The following GSE1 variants were observed in gnomAD, a reference collection of about 807,000 sequenced individuals.
GSE1 encodes the protein Gse1 coiled-coil protein.
Under a neutral mutation model 112.6 loss-of-function variants are expected in GSE1, and 32 were observed. The ratio of observed to expected loss-of-function variants is 0.28; its 90% CI spans 0.21 to 0.38. The LOEUF (loss-of-function observed/expected upper bound fraction) is 0.38, where lower values mean the gene tolerates loss of function less well. Ranked by LOEUF, GSE1 falls within the 10% of genes least tolerant of loss-of-function variation. GSE1 has a pLI of 1.00. For missense variants in GSE1, 2,348 were observed against 1,699.2 expected (o/e 1.38, Z -6.71); for synonymous variants, 1,115 against 735.6 (o/e 1.52, Z -8.35).
intron 2 of GSE1, among the ~76,000 whole-genome samples, chr16:85,523,270 G>C (rs938187916): frequency 6.8e-6 from 1 of 147,644 alleles, no homozygotes; most frequent in Non-Finnish European, 1.5e-5. Flanking sequence ...TGCCCTGTGT[G>C]TGTGAGACCT....
chr16:85,422,304 C>A (rs2048863486), intron 2 of GSE1, among the ~76,000 whole-genome samples: 1 of 152,206 alleles, frequency 6.6e-6, no homozygotes, highest in African/African-American at 2.4e-5. Flanking sequence ...AGGATCCTCC[C>A]CGCACAGGCG....
At chr16:85,615,930 G>C (rs2048342067) in intron 1 of GSE1, among the ~76,000 whole-genome samples, 1 of 152,216 alleles carries the variant, frequency 6.6e-6, no homozygotes, top group South Asian at 2.1e-4. Context: ...CCAGGCGTGG[G>C]GCGGACACCG....
intron 1 of GSE1, among the ~76,000 whole-genome samples, chr16:85,248,595 A>G (rs577768775): frequency 2.6e-5 from 4 of 152,278 alleles, no homozygotes; most frequent in African/African-American, 9.6e-5. Context: ...TGGAAGGCAG[A>G]GTCCTGGGGG....
intron 1 of GSE1, among the ~76,000 whole-genome samples, chr16:85,246,212 CA>C (rs1365732506): frequency 7.0e-6 from 1 of 142,648 alleles, no homozygotes; most frequent in Non-Finnish European, 1.5e-5. Flanking sequence ...CACACACACA[CA>C]CACACACACA....
chr16:85,665,026 C>T lies in GSE1; in HGVS notation c.2656C>T (p.Leu886Phe). 1 of 1,603,970 alleles carries T rather than the reference C, an allele frequency of 6.2e-7. No individual in the cohort carries two copies. Among genetic ancestry groups the T allele is most frequent in the South Asian group, 1.1e-5 (1 of 90,844 alleles). Residue 886 changes from leucine to phenylalanine, a missense_variant, in exon 12 of 16, where the codon CTT (leucine) becomes TTT (phenylalanine). By Grantham distance (22) the Leu-to-Phe change is conservative (BLOSUM62 0). Coordinates refer to ENST00000253458, the MANE Select transcript of GSE1 (RefSeq NM_014615.5). ...SAEKRKDKER[L>F]VEMLRAMKQK... ...TGCTTTTCTCATAGACAAAGAGAGACTTGTTGAAATGCTCCGTGCCATGAA... is the reference window on the plus strand; with the variant it reads ...TGCTTTTCTCATAGACAAAGAGAGATTTGTTGAAATGCTCCGTGCCATGAA...
chr16:85,671,120 A>G, intron 15 of GSE1, 22 bp downstream of exon 15: 1 of 1,322,552 alleles, frequency 7.6e-7, no homozygotes, highest in Non-Finnish European at 1.1e-6. Flanking sequence ...AGGGATGGAA[A>G]CCTTCAAACA....
At chr16:85,466,675 T>TA (rs66897778) in intron 2 of GSE1, among the ~76,000 whole-genome samples, 7,515 of 140,432 alleles carry the variant, frequency 0.054, 578 homozygotes, top group African/African-American at 0.18. Flanking sequence ...GTTTGCAAAT[T>TA]AAAAAAAAAA....
At chr16:85,412,926 G>A (rs1429586020) in intron 2 of GSE1, among the ~76,000 whole-genome samples, 1 of 152,230 alleles carries the variant, frequency 6.6e-6, no homozygotes, top group Non-Finnish European at 1.5e-5. Flanking sequence ...CAGCCCCTGT[G>A]TGACTGTATT....
intron 14 of GSE1, among the ~76,000 whole-genome samples, chr16:85,669,845 C>G (rs1393512234): frequency 1.3e-5 from 2 of 152,236 alleles, no homozygotes; most frequent in African/African-American, 4.8e-5. Context: ...GGGGTGCCCT[C>G]TTCCCTGCCT....
chr16:85,272,121 G>A (rs905106582), intron 1 of GSE1, among the ~76,000 whole-genome samples: 1 of 152,232 alleles, frequency 6.6e-6, no homozygotes, highest in Non-Finnish European at 1.5e-5. Flanking sequence ...CCATGCGGCC[G>A]CCATTAGCTG....
rs200790545 is a variant in GSE1, at chr16:85,571,491, G to A, written c.37+15128G>A. On this transcript the variant is annotated intron_variant, in intron 1 of 2. Transcript: ENST00000635906. Reference sequence around the variant, plus strand: ...TTGTTCCAGAAAGTTCCACCGGACCGTGCCAGTCCTCAGCCCAGAAGCTGG... The same window carrying A: ...TTGTTCCAGAAAGTTCCACCGGACCATGCCAGTCCTCAGCCCAGAAGCTGG... 1.1e-4 allele frequency among the ~76,000 whole-genome samples: 17 copies of A among 152,350 alleles called. No individual in the cohort carries two copies. The East Asian group carries it at 2.1e-3, about 19-fold the overall frequency.
intron 1 of GSE1, among the ~76,000 whole-genome samples, chr16:85,181,601 C>T (rs1170027693): frequency 6.6e-6 from 1 of 152,230 alleles, no homozygotes; most frequent in East Asian, 1.9e-4. Flanking sequence ...GCTGCTGCGG[C>T]GTTTTATTCA....
intron 1 of GSE1, among the ~76,000 whole-genome samples, chr16:85,302,954 G>A (rs1417922173): frequency 6.6e-6 from 1 of 152,206 alleles, no homozygotes; most frequent in Non-Finnish European, 1.5e-5. Context: ...CCGGTTTCCC[G>A]GAGCCTCGGC....
chr16:85,246,336 CCA>C (rs1245199006), intron 1 of GSE1, among the ~76,000 whole-genome samples: 2 of 82,240 alleles, frequency 2.4e-5, no homozygotes. Context: ...CACACACCCC[CCA>C]CACGCTGTCT....
chr16:85,300,722 C>T (rs553143844), intron 1 of GSE1, among the ~76,000 whole-genome samples: 12 of 152,334 alleles, frequency 7.9e-5, no homozygotes, highest in African/African-American at 2.9e-4. Flanking sequence ...CGCTCTGCAC[C>T]AGGCATTTTC....
chr16:85,241,478 G>A (rs1905165669), intron 1 of GSE1, among the ~76,000 whole-genome samples: 2 of 152,216 alleles, frequency 1.3e-5, no homozygotes, highest in South Asian at 2.1e-4. Flanking sequence ...GGAAATGGGC[G>A]GGTACTGCAA....
intron 3 of GSE1, among the ~76,000 whole-genome samples, chr16:85,654,026 A>T (rs528138237): frequency 6.6e-6 from 1 of 152,134 alleles, no homozygotes; most frequent in Admixed American, 6.5e-5. Flanking sequence ...TGCTGGACTG[A>T]GGAGGCCCAG....
intron 2 of GSE1, among the ~76,000 whole-genome samples, chr16:85,360,048 T>A (rs1376713678): frequency 6.6e-6 from 1 of 152,060 alleles, no homozygotes; most frequent in Non-Finnish European, 1.5e-5. Context: ...AAATTTTTTT[T>A]AATTAAAAAA....
chr16:85,221,928 T>C (rs962025022), intron 1 of GSE1, among the ~76,000 whole-genome samples: 1 of 152,126 alleles, frequency 6.6e-6, no homozygotes, highest in African/African-American at 2.4e-5. Context: ...TTGACTCAGC[T>C]GCCCCTCCCG....
Sources: allele counts gnomAD v4.1 joint callset (sites outside exome capture counted in the v4.1 genomes callset), GRCh38; gene constraint gnomAD v4.1.1; transcripts MANE v1.5; gene names NCBI Gene and HGNC (gene_info 2026-07-23, HGNC 2026-07-21).